The following RBM47 variants were observed in gnomAD, a reference collection of about 807,000 sequenced individuals.
RBM47 encodes RNA-binding protein 47.
Under a neutral mutation model 47.1 loss-of-function variants are expected in RBM47, and 21 were observed. The ratio of observed to expected loss-of-function variants is 0.45; its 90% confidence interval spans 0.32 to 0.64. RBM47 has a LOEUF of 0.64. Among genes scored for constraint, RBM47 ranks in the 30% least tolerant of loss-of-function variants. The probability of loss-of-function intolerance (pLI) is 0.05; values close to 1 mark genes in which losing one functional copy is unlikely to be tolerated. For missense variants in RBM47, 708 were observed against 870.9 expected, an observed-to-expected ratio of 0.81 and a Z score of 2.35; for synonymous variants, 375 against 361.7, an observed-to-expected ratio of 1.04 and a Z score of -0.42.
chr4:40,553,937 A>C (rs375600919), intron 1 of RBM47, among the ~76,000 whole-genome samples: 2 of 152,204 alleles, frequency 1.3e-5, no homozygotes, highest in African/African-American at 4.8e-5. Context: ...CTTCGTCGTA[A>C]GATGAGCCAG....
rs1032219160 is a variant in RBM47, at chr4:40,629,437, A to G, written c.-281T>C. On this transcript the variant is annotated 5_prime_UTR_variant, in exon 1 of 7. Transcript: ENST00000295971. ...TTTGGAGCCGCCCACTTCAGAAATT[A>G]ACACCATTCACAGCCCAGGAGCAAC... 1 of 152,216 alleles carries G rather than the reference A, an allele frequency of 6.6e-6. No homozygotes were observed. Among genetic ancestry groups the G allele is most frequent in the African/African-American group, 2.4e-5 (1 of 41,446 alleles). 9.4% of individuals were successfully genotyped at this position (152,216 alleles called of 1,614,324 possible).
In RBM47 at chr4:40,628,179, T is replaced by C. The variant is rs78918944; in HGVS notation, c.-240+1217A>G. Among the ~76,000 whole-genome samples, 2,818 of 152,280 alleles carry C rather than the reference T, an allele frequency of 0.019. 85 individuals are homozygous for C. Among genetic ancestry groups the C allele is most frequent in the African/African-American group, 0.064 (2,639 of 41,548 alleles). On this transcript the variant is annotated intron_variant, in intron 1 of 6. Coordinates refer to ENST00000295971, the MANE Select transcript of RBM47 (RefSeq NM_001098634.2). This position sits in a 1 kb window ranked among gnomAD's most constrained non-coding sequence, Gnocchi z 4.0. ...TTAAGTCAAAGAGGCCAACAGTGTGTATATCAGAACAAGGTGAAGGGTAAA... is the reference window on the plus strand; with the variant it reads ...TTAAGTCAAAGAGGCCAACAGTGTGCATATCAGAACAAGGTGAAGGGTAAA...
At chr4:40,609,044 A>G (rs1351268895) in intron 1 of RBM47, among the ~76,000 whole-genome samples, 1 of 152,014 alleles carries the variant, frequency 6.6e-6, no homozygotes, top group Non-Finnish European at 1.5e-5. Flanking sequence ...CCCAGGCTGG[A>G]GTGCGGTGGC....
intron 2 of RBM47, among the ~76,000 whole-genome samples, chr4:40,496,001 C>A (rs1361548131): frequency 6.6e-6 from 1 of 152,194 alleles, no homozygotes; most frequent in African/African-American, 2.4e-5. Context: ...ACAGTGTTAA[C>A]TGAGATGGCT....
At chr4:40,531,795 G>C (rs1727413243) in intron 2 of RBM47, among the ~76,000 whole-genome samples, 1 of 152,086 alleles carries the variant, frequency 6.6e-6, no homozygotes, top group Non-Finnish European at 1.5e-5. Flanking sequence ...TCTCTGGCTA[G>C]TGCAGTAATT....
At chr4:40,575,552 C>CAAAAAAGAAAAA (rs1732209284) in intron 1 of RBM47, among the ~76,000 whole-genome samples, 1 of 98,364 alleles carries the variant, frequency 1.0e-5, no homozygotes, top group African/African-American at 3.5e-5. Context: ...AACTCCATCT[C>CAAAAAAGAAAAA]AAAAAAAAAA....
intron 6 of RBM47, among the ~76,000 whole-genome samples, chr4:40,431,527 G>A (rs534809281): frequency 3.0e-4 from 45 of 152,116 alleles, no homozygotes; most frequent in Admixed American, 1.2e-3. Context: ...GCATGGTGGC[G>A]TGCGCCTGTA....
At chr4:40,432,571 C>A in intron 6 of RBM47, 80 bp downstream of exon 6, 1 of 1,579,900 alleles carries the variant, frequency 6.3e-7, no homozygotes, top group Admixed American at 2.0e-5. Context: ...ACAGTAAATT[C>A]TCAGTGCTGA....
chr4:40,459,771 A>G (rs1192773488), intron 3 of RBM47, among the ~76,000 whole-genome samples: 1 of 152,124 alleles, frequency 6.6e-6, no homozygotes, highest in East Asian at 1.9e-4. Context: ...ACAGAGTTTC[A>G]TTCTTGTTGC....
At chr4:40,454,734 G>A (rs1715973336) in intron 3 of RBM47, among the ~76,000 whole-genome samples, 1 of 152,138 alleles carries the variant, frequency 6.6e-6, no homozygotes, top group South Asian at 2.1e-4. Flanking sequence ...CTGACCTCAG[G>A]TGATCCGCCC....
intron 3 of RBM47, among the ~76,000 whole-genome samples, chr4:40,464,619 G>GC (rs1180438392): frequency 2.0e-5 from 3 of 151,940 alleles, no homozygotes; most frequent in African/African-American, 7.3e-5. Flanking sequence ...TAAACAATCA[G>GC]CCAGGCATGG....
At chr4:40,593,278 G>A (rs74417241) in intron 1 of RBM47, among the ~76,000 whole-genome samples, 3 of 151,166 alleles carry the variant, frequency 2.0e-5, no homozygotes, top group Admixed American at 6.6e-5. Context: ...GATTACAGGC[G>A]TGAGCCGGGA....
chr4:40,472,997 C>G lies in RBM47; in HGVS notation c.-154-6298G>C, dbSNP rs538652239. Among the ~76,000 whole-genome samples the G allele has an allele frequency of 5.3e-5, 8 of 152,262 alleles. No individual in the cohort carries two copies. In the East Asian group the frequency reaches 1.5e-3, roughly 29 times the overall value. ...TGAAACATTCCCAAATCACCTTATC[C>G]TATGCCACATCCAACGATGTCCCTC... On this transcript the variant is annotated intron_variant, in intron 2 of 6. Coordinates refer to ENST00000295971, the MANE Select transcript of RBM47 (RefSeq NM_001098634.2).
rs143561092 is a variant in RBM47, at chr4:40,438,093, G to A, written c.801C>T (p.Gly267=). The A allele has an allele frequency of 6.8e-6, 11 of 1,613,716 alleles. No homozygotes were observed. The African/African-American group carries it at 1.5e-4, about 22-fold the overall frequency. The part of the protein sequence containing the change: ...TTEDTIKKSF[G]QFNPGCVERV... ...GCTCCACGCAGCCGGGGTTGAACTGGCCGAAGCTCTTCTTGATGGTGTCCT... is the reference window on the plus strand; with the variant it reads ...GCTCCACGCAGCCGGGGTTGAACTGACCGAAGCTCTTCTTGATGGTGTCCT... The change falls in exon 4 of 7, where the codon GGC becomes GGT. Residue 267 remains glycine, a synonymous_variant. Coordinates refer to ENST00000295971, the MANE Select transcript of RBM47 (RefSeq NM_001098634.2).
rs1736676137 is a variant in RBM47 at position 40,615,915 on chromosome 4, C to T, written c.-240+13481G>A. Among the ~76,000 whole-genome samples the T allele has an allele frequency of 2.6e-5, 4 of 152,232 alleles. No homozygotes were observed. In the South Asian group the frequency reaches 8.3e-4, roughly 32 times the overall value. On this transcript the variant is annotated intron_variant, in intron 1 of 6. Transcript: ENST00000295971. ...TAAGCAATAATAAATACAATTACAC[C>T]TCATGGGCTCCACTGGTGTTGACAT...
intron 1 of RBM47, among the ~76,000 whole-genome samples, chr4:40,548,752 T>C (rs1729262095): frequency 6.6e-6 from 1 of 152,120 alleles, no homozygotes; most frequent in African/African-American, 2.4e-5. Flanking sequence ...CTGCAACCTC[T>C]GCCTCCTGGA....
At chr4:40,522,932 A>C (rs1208182860) in intron 2 of RBM47, among the ~76,000 whole-genome samples, 2 of 151,836 alleles carry the variant, frequency 1.3e-5, no homozygotes, top group Non-Finnish European at 2.9e-5. Context: ...ACCCAAATAA[A>C]AGCACTTTAA....
At chr4:40,527,607 A>G (rs1175747091) in intron 2 of RBM47, among the ~76,000 whole-genome samples, 3 of 151,590 alleles carry the variant, frequency 2.0e-5, no homozygotes, top group Non-Finnish European at 2.9e-5. Flanking sequence ...TTGTATTTTT[A>G]GTAAAGGCGG....
At chr4:40,623,341 A>G (rs955688779) in intron 1 of RBM47, among the ~76,000 whole-genome samples, 10 of 152,206 alleles carry the variant, frequency 6.6e-5, no homozygotes, top group African/African-American at 2.2e-4. Flanking sequence ...ATAGGATTTC[A>G]CTAGAGGCAA....
Sources: allele counts gnomAD v4.1 joint callset (sites outside exome capture counted in the v4.1 genomes callset), GRCh38; gene constraint gnomAD v4.1.1; non-coding constraint Gnocchi (gnomAD v3.1); transcripts MANE v1.5; gene names NCBI Gene and HGNC (gene_info 2026-07-23, HGNC 2026-07-21).